Variants in ZNF280C observed in about 807,000 individuals in gnomAD.
ZNF280C encodes suppressor of hairy wing homolog 3.
In ZNF280C, 14 loss-of-function variants were observed where a neutral mutation model predicts 53.6. The ratio of observed to expected loss-of-function variants is 0.26; its 90% CI spans 0.17 to 0.41. The LOEUF is 0.41. Among genes scored for constraint, ZNF280C ranks in the 10% least tolerant of loss-of-function variants. ZNF280C has a pLI of 1.00. For missense variants in ZNF280C, 416 were observed against 547.1 expected (o/e 0.76, Z 2.39); for synonymous variants, 203 against 181.1 (o/e 1.12, Z -0.97).
intron 8 of ZNF280C, among the ~76,000 whole-genome samples, chrX:130,234,979 A>C (rs2032316136): frequency 9.0e-6 from 1 of 111,354 alleles, no homozygotes; most frequent in Non-Finnish European, 1.9e-5. Context: ...ATTAAAATGT[A>C]AGACTAAGGT....
chrX:130,219,329 TACAA>T (rs1412281483), intron 13 of ZNF280C, among the ~76,000 whole-genome samples: 1 of 109,284 alleles, frequency 9.2e-6, no homozygotes, highest in African/African-American at 3.3e-5. Context: ...CTATTAAAAA[TACAA>T]ACAATTAGCT....
At chrX:130,247,268 CCA>C (rs779012763) in intron 2 of ZNF280C, among the ~76,000 whole-genome samples, 1 of 110,831 alleles carries the variant, frequency 9.0e-6, no homozygotes, top group Admixed American at 9.6e-5. Flanking sequence ...ACTGCTACGC[CCA>C]GTTAATTTTT....
intron 3 of ZNF280C, among the ~76,000 whole-genome samples, chrX:130,246,351 A>T (rs889443597): frequency 2.7e-5 from 3 of 112,441 alleles, no homozygotes; most frequent in African/African-American, 9.7e-5. Flanking sequence ...TTCTATAATC[A>T]TGCAGCACCT....
At chrX:130,211,496 C>A (rs1037618105) in intron 15 of ZNF280C, among the ~76,000 whole-genome samples, 1 of 111,821 alleles carries the variant, frequency 8.9e-6, no homozygotes, top group African/African-American at 3.3e-5. Flanking sequence ...TCTGAACATA[C>A]AGAACTCAAA....
At position 130,239,622 on chromosome X, in the gene ZNF280C, T is replaced by C; in HGVS notation, c.453A>G (p.Ser151=). The C allele has an allele frequency of 1.7e-6, 2 of 1,205,015 alleles. No homozygotes were observed. The highest frequency in any genetic ancestry group is 2.2e-6 in the Non-Finnish European group (2 of 890,201). ...CTGGTATGTCTTGGGATGGTGGTAG[T>C]GATTCCTGGGTCGAGTCAAACAGTA... ...SILLFDSTQE[S]LPPSQDIPAI... Residue 151 remains serine (S), a synonymous_variant, in exon 6 of 19, where the codon TCA becomes TCG. Transcript: ENST00000370978.
chrX:130,248,483 G>A (rs2032472657), intron 2 of ZNF280C, among the ~76,000 whole-genome samples: 1 of 111,438 alleles, frequency 9.0e-6, no homozygotes, highest in Non-Finnish European at 1.9e-5. Context: ...AGCCCAGAGG[G>A]TTTGTTGCAG....
intron 2 of ZNF280C, among the ~76,000 whole-genome samples, chrX:130,258,598 C>A (rs2032598832): frequency 1.8e-5 from 2 of 112,042 alleles, no homozygotes; most frequent in Admixed American, 1.9e-4. Flanking sequence ...ATGAACTGAC[C>A]CTTTTTTCCA....
At chrX:130,207,034 G>C (rs893623131) in intron 16 of ZNF280C, among the ~76,000 whole-genome samples, 1 of 111,505 alleles carries the variant, frequency 9.0e-6, no homozygotes, top group African/African-American at 3.3e-5. Context: ...AATCTACTGA[G>C]GCCAGGATCA....
intron 1 of ZNF280C, among the ~76,000 whole-genome samples, chrX:130,263,919 G>A (rs1425840916): frequency 6.5e-5 from 7 of 107,965 alleles, no homozygotes. Context: ...CAGCTACTCA[G>A]GAGGCTGAGG....
At chrX:130,235,423 A>G (rs2124706414) in intron 8 of ZNF280C, among the ~76,000 whole-genome samples, 1 of 111,973 alleles carries the variant, frequency 8.9e-6, no homozygotes, top group African/African-American at 3.2e-5. Flanking sequence ...CTGAGGCAGG[A>G]GAATCGCCTG....
intron 15 of ZNF280C, among the ~76,000 whole-genome samples, chrX:130,214,737 G>C (rs2032081151): frequency 1.8e-5 from 2 of 111,727 alleles, no homozygotes; most frequent in Non-Finnish European, 3.8e-5. Context: ...ATACTGTATT[G>C]TTTAGAGAAT....
intron 8 of ZNF280C, among the ~76,000 whole-genome samples, chrX:130,235,378 G>T (rs993263307): frequency 3.6e-5 from 4 of 111,641 alleles, no homozygotes; most frequent in Admixed American, 1.9e-4. Flanking sequence ...AGCCAGGCAT[G>T]GTGGTGCTAC....
Position 130,230,685 on chromosome X carries a change from C to T in ZNF280C, c.814G>A (p.Val272Ile). ...TCATCACATGGACGTTCTGATTTAA[C>T]AATTACTCCCAAAAATTTAGTTATC... ...DMITKFLGVI[V>I]KSERPCDEDK... Residue 272 changes from valine to isoleucine, a missense_variant, in exon 9 of 19, where the codon GTT becomes ATT. This residue lies in a region of ZNF280C where 193 missense variants were observed against 201.4 expected (regional missense o/e 0.96). Coordinates refer to ENST00000370978, the MANE Select transcript of ZNF280C (RefSeq NM_017666.5). 1.7e-6 allele frequency: 2 copies of T among 1,206,830 alleles called. No homozygotes were observed. Among genetic ancestry groups the T allele is most frequent in the Non-Finnish European group, 2.2e-6 (2 of 892,927 alleles).
Position 130,215,326 on chromosome X carries a change from G to C in ZNF280C, c.1846C>G (p.Arg616Gly), listed in dbSNP as rs138083924. 3 of 1,184,321 alleles carry C rather than the reference G, an allele frequency of 2.5e-6. No individual in the cohort carries two copies. The South Asian group carries it at 5.8e-5, about 23-fold the overall frequency. The change falls in exon 15 of 19, where the codon CGG becomes GGG. Residue 616 changes from arginine to glycine, a missense_variant. By Grantham distance (125) the Arg-to-Gly change is moderately radical. Coordinates refer to ENST00000370978, the MANE Select transcript of ZNF280C (RefSeq NM_017666.5). Reference sequence around the variant, plus strand: ...CATTCAATGCACTTGTGAATTCCCCGACGACACCTTATGGAGACGGAAAAA... The same window carrying C: ...CATTCAATGCACTTGTGAATTCCCCCACGACACCTTATGGAGACGGAAAAA... Reference protein sequence around the residue: ...SLALKNIRCRRGIHKCIECHS... With the variant: ...SLALKNIRCRGGIHKCIECHS...
Position 130,205,397 on chromosome X carries a change from G to A in ZNF280C, c.2061C>T (p.Cys687=), listed in dbSNP as rs781080692. 1.7e-6 allele frequency: 2 copies of A among 1,191,410 alleles called. No homozygotes were observed. The highest frequency in any genetic ancestry group is 3.6e-5 in the South Asian group (2 of 54,844). ...AATCAGCTAGGAAATCACATTTAAG[G>A]CACACTAGAGTAATGCCCCTATGAA... The part of the protein sequence containing the change: ...SGTLRGITLV[C]LKCDFLADSS... Residue 687 remains cysteine, a synonymous_variant, in exon 17 of 19, where the codon TGC becomes TGT. Transcript: ENST00000370978.
chrX:130,253,235 A>T (rs144415170), intron 2 of ZNF280C, among the ~76,000 whole-genome samples: 2,251 of 112,419 alleles, frequency 0.02, 38 homozygotes, highest in Non-Finnish European at 0.032. Flanking sequence ...TTCAATGTGA[A>T]TTACAAAACA....
At chrX:130,267,932 T>C (rs1159639910) in intron 1 of ZNF280C, among the ~76,000 whole-genome samples, 1 of 112,069 alleles carries the variant, frequency 8.9e-6, no homozygotes, top group Non-Finnish European at 1.9e-5. Flanking sequence ...GAGAATCCCC[T>C]GGATGAAGGT....
At chrX:130,209,390 T>C (rs1018852276) in intron 16 of ZNF280C, among the ~76,000 whole-genome samples, 10 of 112,336 alleles carry the variant, frequency 8.9e-5, no homozygotes, top group Non-Finnish European at 1.3e-4. Flanking sequence ...TCAAGTATTA[T>C]GGTATTTTCA....
chrX:130,221,162 G>C, intron 12 of ZNF280C, among the ~76,000 whole-genome samples: 1 of 111,263 alleles, frequency 9.0e-6, no homozygotes, highest in Admixed American at 9.6e-5. Flanking sequence ...TAAAGATAAG[G>C]TGTTTGCATT....
Sources: gnomAD v4.1 joint callset for allele counts (sites outside exome capture counted in the v4.1 genomes callset) on GRCh38, gnomAD v4.1.1 for gene constraint, gnomAD v4.1.1 regional missense constraint, MANE v1.5 for transcripts, NCBI Gene and HGNC (gene_info 2026-07-23, HGNC 2026-07-21) for gene names.